Variants in KMT2A observed in about 807,000 individuals in gnomAD.
KMT2A encodes the protein histone-lysine N-methyltransferase 2A.
In KMT2A, 16 loss-of-function variants were observed where a neutral mutation model predicts 345.3. The observed-to-expected ratio is 0.05, with a 90% CI of 0.03 to 0.07. KMT2A has a LOEUF of 0.07. KMT2A is among the 10% of genes least tolerant of loss of function. The pLI is 1.00. For missense variants in KMT2A, 3,272 were observed against 4,841.6 expected (o/e 0.68, Z 9.62); for synonymous variants, 1,599 against 1,778.6 (o/e 0.90, Z 2.54).
rs1555045167 is a variant in KMT2A at position 118,499,899 on chromosome 11, T to G, written c.6144T>G (p.Phe2048Leu). 6.2e-7 allele frequency: 1 copy of G among 1,609,144 alleles called. No homozygotes were observed. Residue 2048 changes from phenylalanine (F) to leucine (L), a missense_variant, in exon 24 of 36, where the codon TTT becomes TTG. By Grantham distance (22) the Phe-to-Leu change is conservative. Coordinates refer to ENST00000534358, the MANE Select transcript of KMT2A (RefSeq NM_001197104.2). ...TCTCCGACTGTGAAGATAAGCTCTTTCCTATTGGATATCAGTAAGTAGCAC... is the reference window on the plus strand; with the variant it reads ...TCTCCGACTGTGAAGATAAGCTCTTGCCTATTGGATATCAGTAAGTAGCAC... ...NDLSDCEDKLFPIGYQCSRVY... is the reference protein window; with the variant it reads ...NDLSDCEDKLLPIGYQCSRVY...
rs782601484 is a variant in KMT2A, at chr11:118,501,725, C to T, written c.6373C>T (p.Pro2125Ser). 1.9e-6 allele frequency: 3 copies of T among 1,614,002 alleles called. No individual in the cohort carries two copies. Among genetic ancestry groups the T allele is most frequent in the East Asian group, 2.2e-5 (1 of 44,876 alleles). ...AGCTGAAATTATAAGTCCTCCATCA[C>T]CAGACCGACCTCCTCATTCACAAAC... ...NTAEIISPPS[P>S]DRPPHSQTSG... Residue 2125 changes from proline (P) to serine (S), a missense_variant, in exon 26 of 36, where the codon CCA becomes TCA. By Grantham distance (74) the Pro-to-Ser change is moderately conservative. Around this residue, in one of 27 missense-constraint regions of KMT2A, gnomAD observed 66 missense variants for 73.9 expected, o/e 0.89. Transcript: ENST00000534358.
chr11:118,451,546 T>C (rs1489936652), intron 1 of KMT2A, among the ~76,000 whole-genome samples: 5 of 152,004 alleles, frequency 3.3e-5, no homozygotes, highest in Non-Finnish European at 7.4e-5. Flanking sequence ...TGCCACCACA[T>C]CTGGCTAATT....
chr11:118,516,122 C>T (rs1011072165), intron 31 of KMT2A, among the ~76,000 whole-genome samples: 1 of 152,168 alleles, frequency 6.6e-6, no homozygotes, highest in African/African-American at 2.4e-5. Flanking sequence ...CCATTATACT[C>T]CATTTCCAGT....
Position 118,497,430 on chromosome 11 carries a change from C to G in KMT2A, c.5665-506C>G, listed in dbSNP as rs144567514. 1.6e-3 allele frequency among the ~76,000 whole-genome samples: 251 copies of G among 152,310 alleles called. No homozygotes were observed. Among genetic ancestry groups the G allele is most frequent in the African/African-American group, 5.7e-3 (238 of 41,572 alleles). ...TTTCCTTTTGAGACCAGGTCTTGCT[C>G]TGTCACCCAGACTAGAGTACAGTGG... On this transcript the variant is annotated intron_variant, in intron 20 of 35. Coordinates refer to ENST00000534358, the MANE Select transcript of KMT2A (RefSeq NM_001197104.2). The surrounding 1 kb of genome is among the most constrained non-coding windows in gnomAD (Gnocchi z 4.8).
At chr11:118,475,598 C>T (rs1166801434) in intron 3 of KMT2A, among the ~76,000 whole-genome samples, 1 of 152,144 alleles carries the variant, frequency 6.6e-6, no homozygotes, top group African/African-American at 2.4e-5. Context: ...TGGCATGCGC[C>T]TGTAGTCCTA....
chr11:118,503,028 G>A lies in KMT2A; in HGVS notation c.7136G>A (p.Arg2379Lys), dbSNP rs1221263820. 3.7e-6 allele frequency: 6 copies of A among 1,613,546 alleles called. No homozygotes were observed. In the African/African-American group the frequency reaches 4.0e-5, roughly 11 times the overall value. The change falls in exon 27 of 36, where the codon AGG becomes AAG. Residue 2379 changes from arginine to lysine, a missense_variant. Arg to Lys is a conservative substitution (Grantham distance 26, BLOSUM62 2). Coordinates refer to ENST00000534358, the MANE Select transcript of KMT2A (RefSeq NM_001197104.2). The surrounding 1 kb of genome is among the most constrained non-coding windows in gnomAD (Gnocchi z 5.3). ...CCACACCTCCATTTGAGAGGGCAAA[G>A]GAATGATCGAGACCAACACACAGAT... ...SFPHLHLRGQ[R>K]NDRDQHTDST... is the part of the protein sequence containing the mutation.
intron 31 of KMT2A, chr11:118,512,345 G>A (rs1249840177): frequency 2.9e-6 from 1 of 340,276 alleles, no homozygotes; most frequent in East Asian, 6.1e-5. Flanking sequence ...CTATGTATTT[G>A]ATTATTCTGG....
chr11:118,478,121 G>A lies in KMT2A; in HGVS notation c.3489G>A (p.Val1163=). ...GTGGGCAGTGTCCCGGCTGCCAGGT[G>A]CCTGAGGACTGTGGTGTTTGTACTA... The part of the protein sequence containing the change: ...RRCGQCPGCQ[V]PEDCGVCTNC... Residue 1163 remains valine (V), a synonymous_variant, in exon 5 of 36, where the codon GTG becomes GTA. Coordinates refer to ENST00000534358, the MANE Select transcript of KMT2A (RefSeq NM_001197104.2). 2.5e-6 allele frequency: 4 copies of A among 1,614,180 alleles called. No individual in the cohort carries two copies. The highest frequency in any genetic ancestry group is 3.4e-6 in the Non-Finnish European group (4 of 1,180,050).
intron 6 of KMT2A, among the ~76,000 whole-genome samples, chr11:118,481,454 G>A (rs552993181): frequency 6.9e-4 from 105 of 152,202 alleles, no homozygotes; most frequent in African/African-American, 2.5e-3. Context: ...TGGCTGAATA[G>A]TACTCCATTG....
rs537152459 is a variant in KMT2A at position 118,451,683 on chromosome 11, G to A, written c.432+14739G>A. ...TTTTTTTTTTTTTTTTGTAGAGATG[G>A]GGTCTCACCATCTTATGTAGCTGGT... On this transcript the variant is annotated intron_variant, in intron 1 of 35. Transcript: ENST00000534358. 4.7e-5 allele frequency among the ~76,000 whole-genome samples: 7 copies of A among 149,886 alleles called. No homozygotes were observed. In the South Asian group the frequency reaches 1.5e-3, roughly 32 times the overall value.
intron 1 of KMT2A, among the ~76,000 whole-genome samples, chr11:118,451,762 G>A (rs190105887): frequency 6.6e-6 from 1 of 151,840 alleles, no homozygotes; most frequent in African/African-American, 2.4e-5. Context: ...AAAGTGCTGG[G>A]ATTATAGGTG....
intron 25 of KMT2A, 129 bp downstream of exon 25, chr11:118,501,276 G>C: frequency 1.3e-6 from 1 of 772,866 alleles, no homozygotes; most frequent in Non-Finnish European, 2.1e-6. Context: ...TGGCCAACAT[G>C]GTGAAACCCC....
Position 118,436,779 on chromosome 11 carries a change from C to T in KMT2A, c.267C>T (p.Ala89=). ...AAASAASSSS[A]SSSSSSSSSA... ...CCTCAGCAGCCTCCTCGTCGTCCGCCTCGTCTTCGTCTTCGTCATCGTCCT... is the reference window on the plus strand; with the variant it reads ...CCTCAGCAGCCTCCTCGTCGTCCGCTTCGTCTTCGTCTTCGTCATCGTCCT... Residue 89 remains alanine (A), a synonymous_variant, in exon 1 of 36, where the codon GCC becomes GCT. Transcript: ENST00000534358. This position sits in a 1 kb window ranked among gnomAD's most constrained non-coding sequence, Gnocchi z 6.9. 1 of 1,605,346 alleles carries T rather than the reference C, an allele frequency of 6.2e-7. No individual in the cohort carries two copies. The highest frequency in any genetic ancestry group is 8.5e-7 in the Non-Finnish European group (1 of 1,176,310).
In KMT2A at chr11:118,436,970, C is replaced by T; in HGVS notation, c.432+26C>T. 1 of 1,429,936 alleles carries T rather than the reference C, an allele frequency of 7.0e-7. No individual in the cohort carries two copies. Among genetic ancestry groups the T allele is most frequent in the Non-Finnish European group, 9.2e-7 (1 of 1,081,764 alleles). 88.6% of individuals were successfully genotyped at this position (1,429,936 alleles called of 1,614,324 possible). A position where few individuals can be genotyped will look rare whatever the true frequency, so the allele number is the denominator to read the frequency against. On this transcript the variant is annotated intron_variant, in intron 1 of 35. Coordinates refer to ENST00000534358, the MANE Select transcript of KMT2A (RefSeq NM_001197104.2). This position sits in a 1 kb window ranked among gnomAD's most constrained non-coding sequence, Gnocchi z 6.9. ...GTAAGGGGGCGAGGAACCCCCAGGTCCGGGGTCTCGACCCTCTGCGGAGCC... is the reference window on the plus strand; with the variant it reads ...GTAAGGGGGCGAGGAACCCCCAGGTTCGGGGTCTCGACCCTCTGCGGAGCC...
intron 1 of KMT2A, among the ~76,000 whole-genome samples, chr11:118,460,246 G>A (rs1279467831): frequency 6.6e-6 from 1 of 152,134 alleles, no homozygotes; most frequent in Non-Finnish European, 1.5e-5. Flanking sequence ...TTTGAAATTT[G>A]AATATTTCTC....
Position 118,461,936 on chromosome 11 carries a change from T to C in KMT2A, c.433-6839T>C, listed in dbSNP as rs186863897. On this transcript the variant is annotated intron_variant, in intron 1 of 35. Transcript: ENST00000534358. ...ATAGTGCAGTGAAAGGAGGACTTTT[T>C]TGCAGCACCCTCTTTATTTATTTAT... is the stretch of plus-strand genomic sequence containing the variant. Among the ~76,000 whole-genome samples the C allele has an allele frequency of 6.0e-4, 91 of 152,244 alleles. No individual in the cohort carries two copies. The East Asian group carries it at 6.9e-3, about 12-fold the overall frequency.
In KMT2A at chr11:118,484,071, A is replaced by C; in HGVS notation, c.4087-112A>C. 2 of 1,063,162 alleles carry C rather than the reference A, an allele frequency of 1.9e-6. No individual in the cohort carries two copies. Among genetic ancestry groups the C allele is most frequent in the Non-Finnish European group, 2.7e-6 (2 of 734,118 alleles). 65.9% of individuals were successfully genotyped at this position (1,063,162 alleles called of 1,614,324 possible). On this transcript the variant is annotated intron_variant, in intron 8 of 35. Transcript: ENST00000534358. The surrounding 1 kb of genome is among the most constrained non-coding windows in gnomAD (Gnocchi z 4.1). ...TCAAAGATTATTTGTTTATGTTGGA[A>C]ACATGTTTTTTAGATCTATTAATAA...
At chr11:118,441,806 G>C (rs187368763) in intron 1 of KMT2A, among the ~76,000 whole-genome samples, 2 of 152,264 alleles carry the variant, frequency 1.3e-5, no homozygotes, top group African/African-American at 4.8e-5. Context: ...CATACTCCTG[G>C]AGGAAATCAT....
chr11:118,488,711 G>C lies in KMT2A; in HGVS notation c.4430G>C (p.Arg1477Pro), dbSNP rs377462697. ...LEDQLENWCC[R>P]RCKFCHVCGR... is the part of the protein sequence containing the mutation. ...GACCAGCTGGAAAATTGGTGTTGTC[G>C]TCGTTGCAAATTCTGTCACGTTTGT... is the stretch of plus-strand genomic sequence containing the variant. Residue 1477 changes from arginine to proline, a missense_variant, in exon 11 of 36, where the codon CGT (arginine) becomes CCT (proline). Coordinates refer to ENST00000534358, the MANE Select transcript of KMT2A (RefSeq NM_001197104.2). 1 of 1,614,132 alleles carries C rather than the reference G, an allele frequency of 6.2e-7. No homozygotes were observed.
Sources: gnomAD v4.1 joint callset for allele counts (sites outside exome capture counted in the v4.1 genomes callset) on GRCh38, gnomAD v4.1.1 for gene constraint, gnomAD v4.1.1 regional missense constraint, Gnocchi (gnomAD v3.1) non-coding constraint, MANE v1.5 for transcripts, NCBI Gene and HGNC (gene_info 2026-07-23, HGNC 2026-07-21) for gene names.